Variants in DENND4B observed in about 807,000 individuals in gnomAD.
DENND4B encodes DENN domain-containing protein 4B.
DENND4B carries 67 observed loss-of-function variants against 161.0 expected under a neutral mutation model. That is an observed-to-expected ratio of 0.42 (90% CI 0.34 to 0.51). The LOEUF is 0.51. DENND4B is among the 20% of genes least tolerant of loss of function. The pLI is 0.08. For synonymous variants in DENND4B, 753 were observed against 813.8 expected, an observed-to-expected ratio of 0.93 and a Z score of 1.27; for missense variants, 1,481 against 1,968.0, an observed-to-expected ratio of 0.75 and a Z score of 4.68.
intron 24 of DENND4B, among the ~76,000 whole-genome samples, chr1:153,931,682 A>T (rs1678945424): frequency 6.7e-6 from 1 of 149,856 alleles, no homozygotes; most frequent in Admixed American, 6.7e-5. Flanking sequence ...TATTTTTAGT[A>T]ACACGGGGTT....
chr1:153,932,831 C>A lies in DENND4B; in HGVS notation c.3623+30G>T. On this transcript the variant is annotated intron_variant, in intron 22 of 27. Coordinates refer to ENST00000361217, the MANE Select transcript of DENND4B (RefSeq NM_014856.3). The surrounding 1 kb of genome is among the most constrained non-coding windows in gnomAD (Gnocchi z 5.8). ...TTTTGGACCTTCACCTCCCTATTCC[C>A]ACCCACAGCACTTGCCCTGCCTTGG... 1 of 1,613,562 alleles carries A rather than the reference C, an allele frequency of 6.2e-7. No individual in the cohort carries two copies.
Position 153,940,912 on chromosome 1 carries a change from G to A in DENND4B, c.1318C>T (p.Leu440Phe). ...PDLLTSVCEALVSMIFPLHWQ... is the reference protein window; with the variant it reads ...PDLLTSVCEAFVSMIFPLHWQ... ...GGCGGGGCGGCACTCACCGAGACGA[G>A]GGCCTCACAGACGCTGGTGAGCAGG... The change falls in exon 9 of 28, where the codon CTC (leucine) becomes TTC (phenylalanine). Residue 440 changes from leucine to phenylalanine, a missense_variant. Transcript: ENST00000361217. This position sits in a 1 kb window ranked among gnomAD's most constrained non-coding sequence, Gnocchi z 5.6. 3 of 1,573,474 alleles carry A rather than the reference G, an allele frequency of 1.9e-6. No individual in the cohort carries two copies. Among genetic ancestry groups the A allele is most frequent in the Non-Finnish European group, 2.6e-6 (3 of 1,163,602 alleles).
In DENND4B at chr1:153,940,718, A is replaced by C; in HGVS notation, c.1327-112T>G. The C allele has an allele frequency of 6.8e-7, 1 of 1,473,240 alleles. No individual in the cohort carries two copies. Among genetic ancestry groups the C allele is most frequent in the Non-Finnish European group, 9.2e-7 (1 of 1,091,580 alleles). The allele number at this position is 1,473,240 out of a possible 1,614,324, so 91.3% of individuals were successfully genotyped here. ...TTGGGGAGTTGGTGCCTGTTGAGAG[A>C]GGCTGTTGGAAGTAGGCTCTAGAGA... is the stretch of plus-strand genomic sequence containing the variant. On this transcript the variant is annotated intron_variant, in intron 9 of 27. Transcript: ENST00000361217. This position sits in a 1 kb window ranked among gnomAD's most constrained non-coding sequence, Gnocchi z 5.6.
intron 6 of DENND4B, 96 bp downstream of exon 6, chr1:153,941,773 C>CCGGGGGGGG: frequency 2.5e-5 from 35 of 1,426,268 alleles, no homozygotes; most frequent in Non-Finnish European, 3.2e-5. Flanking sequence ...ACCCTGTGCC[C>CCGGGGGGGG]AGCCCTCCCC....
Position 153,933,911 on chromosome 1 carries a change from C to T in DENND4B, c.2942-40G>A, listed in dbSNP as rs766418659. 6.3e-7 allele frequency: 1 copy of T among 1,589,216 alleles called. No homozygotes were observed. The highest frequency in any genetic ancestry group is 1.4e-5 in the African/African-American group (1 of 73,298). On this transcript the variant is annotated intron_variant, in intron 19 of 27. Transcript: ENST00000361217. The surrounding 1 kb of genome is among the most constrained non-coding windows in gnomAD (Gnocchi z 5.7). ...AGAATGAGGGAAGATGGACCCCAGC[C>T]TCTGCACCAACTTCCCCTTTCCTGA... is the stretch of plus-strand genomic sequence containing the variant.
At chr1:153,941,768 G>A in intron 6 of DENND4B, 101 bp downstream of exon 6, 1 of 1,473,242 alleles carries the variant, frequency 6.8e-7, no homozygotes, top group Non-Finnish European at 9.2e-7. Flanking sequence ...CCCTTACCCT[G>A]TGCCCAGCCC....
In DENND4B at chr1:153,930,311, G is replaced by A; in HGVS notation, c.4477C>T (p.Pro1493Ser). The stretch of plus-strand genomic sequence containing the variant: ...GCTTAAGGTCTCTAGCATTCTGGAG[G>A]TGCTCCAAAACATTTTCGGCAGTCA... ...AIDCRKCFGA[P>S]PEC Residue 1493 changes from proline (P) to serine (S), a missense_variant, in exon 28 of 28, where the codon CCT (proline) becomes TCT (serine). By Grantham distance (74) the Pro-to-Ser change is moderately conservative. This residue lies in a region of DENND4B where 336 missense variants were observed against 503.3 expected (regional missense o/e 0.67). Transcript: ENST00000361217. This position sits in a 1 kb window ranked among gnomAD's most constrained non-coding sequence, Gnocchi z 4.7. The A allele has an allele frequency of 6.2e-7, 1 of 1,613,820 alleles. No individual in the cohort carries two copies. The highest frequency in any genetic ancestry group is 8.5e-7 in the Non-Finnish European group (1 of 1,179,742).
chr1:153,930,925 C>A lies in DENND4B; in HGVS notation c.4114+22G>T. On this transcript the variant is annotated intron_variant, in intron 25 of 27. Transcript: ENST00000361217. This position sits in a 1 kb window ranked among gnomAD's most constrained non-coding sequence, Gnocchi z 4.7. ...TGGGTATGGGACCCACCCTCCCCAC[C>A]CAGGCCAAATACCAGACTCACTGTG... 1 of 1,602,692 alleles carries A rather than the reference C, an allele frequency of 6.2e-7. No homozygotes were observed. The highest frequency in any genetic ancestry group is 8.5e-7 in the Non-Finnish European group (1 of 1,175,096).
intron 17 of DENND4B, among the ~76,000 whole-genome samples, chr1:153,935,432 T>C (rs61219911): frequency 0.27 from 41,378 of 152,172 alleles, 6,153 homozygotes; most frequent in Admixed American, 0.38. Flanking sequence ...CTGCAACCTC[T>C]GCCTCCCGGG....
intron 6 of DENND4B, 113 bp from the exon 7 acceptor site, chr1:153,941,553 C>T (rs1404725382): frequency 2.3e-6 from 3 of 1,295,860 alleles, no homozygotes; most frequent in Non-Finnish European, 3.1e-6. Flanking sequence ...TCCTGAACCC[C>T]ACTTTGAGAC....
chr1:153,934,900 C>A lies in DENND4B; in HGVS notation c.2633G>T (p.Arg878Leu). The change falls in exon 18 of 28, where the codon CGG becomes CTG. Residue 878 changes from arginine (R) to leucine (L), a missense_variant. Physicochemically the swap from Arg to Leu is moderately radical, Grantham distance 102. Around this residue, in one of 3 missense-constraint regions of DENND4B, gnomAD observed 339 missense variants for 330.3 expected, o/e 1.03. Transcript: ENST00000361217. This position sits in a 1 kb window ranked among gnomAD's most constrained non-coding sequence, Gnocchi z 5.3. Reference sequence around the variant, plus strand: ...CTGAGCAGCCCCCAGGACAACATTCCGGAGCTTGGCCCAGCGCAGACGCCC... The same window carrying A: ...CTGAGCAGCCCCCAGGACAACATTCAGGAGCTTGGCCCAGCGCAGACGCCC... ...PGGRLRWAKL[R>L]NVVLGAAQFR... 6.2e-7 allele frequency: 1 copy of A among 1,613,612 alleles called. No homozygotes were observed. The highest frequency in any genetic ancestry group is 8.5e-7 in the Non-Finnish European group (1 of 1,179,896).
In DENND4B at chr1:153,932,168, G is replaced by A. The variant is rs1268095060; in HGVS notation, c.3996+36C>T. 1.5e-5 allele frequency: 23 copies of A among 1,565,178 alleles called. No individual in the cohort carries two copies. Among genetic ancestry groups the A allele is most frequent in the Non-Finnish European group, 1.8e-5 (21 of 1,142,140 alleles). On this transcript the variant is annotated intron_variant, in intron 24 of 27. Transcript: ENST00000361217. This position sits in a 1 kb window ranked among gnomAD's most constrained non-coding sequence, Gnocchi z 5.8. ...GACAAATGGCTGAGAGATGAGGGAG[G>A]CACTTAGGAAACAGGGGCCACATGG...
In DENND4B at chr1:153,930,680, G is replaced by A. The variant is rs1678858768; in HGVS notation, c.4280+12C>T. 6 of 1,613,134 alleles carry A rather than the reference G, an allele frequency of 3.7e-6. No homozygotes were observed. In the African/African-American group the frequency reaches 6.7e-5, roughly 18 times the overall value. The stretch of plus-strand genomic sequence containing the variant: ...GGACAGACCAGGGATCACCCAGATG[G>A]TAGCACCATACCTCTGCAGGTGCAG... On this transcript the variant is annotated intron_variant, in intron 26 of 27. Coordinates refer to ENST00000361217, the MANE Select transcript of DENND4B (RefSeq NM_014856.3). The surrounding 1 kb of genome is among the most constrained non-coding windows in gnomAD (Gnocchi z 4.7).
At chr1:153,945,701 A>C (rs1036965187) in intron 1 of DENND4B, among the ~76,000 whole-genome samples, 3 of 152,188 alleles carry the variant, frequency 2.0e-5, no homozygotes, top group African/African-American at 4.8e-5. Context: ...CCTGTCCCTC[A>C]TCCACTGAGG....
At chr1:153,938,578 TG>T (rs1204337202) in intron 13 of DENND4B, among the ~76,000 whole-genome samples, 1 of 151,514 alleles carries the variant, frequency 6.6e-6, no homozygotes, top group East Asian at 1.9e-4. Flanking sequence ...GGCGGGCGCC[TG>T]TAGTCTCAGC....
At position 153,936,669 on chromosome 1, in the gene DENND4B, C is replaced by T; in HGVS notation, c.2312G>A (p.Cys771Tyr). The T allele has an allele frequency of 6.2e-7, 1 of 1,613,344 alleles. No individual in the cohort carries two copies. Among genetic ancestry groups the T allele is most frequent in the Non-Finnish European group, 8.5e-7 (1 of 1,179,592 alleles). ...CAGACACAGGAACCACAGCCCATAGCAGTGCCCCAGCAGGCACCGGGCCCA... is the reference window on the plus strand; with the variant it reads ...CAGACACAGGAACCACAGCCCATAGTAGTGCCCCAGCAGGCACCGGGCCCA... ...ELWARCLLGH[C>Y]YGLWFLCLPA... The change falls in exon 16 of 28, where the codon TGC becomes TAC. Residue 771 changes from cysteine to tyrosine, a missense_variant. Around this residue, in one of 3 missense-constraint regions of DENND4B, gnomAD observed 806 missense variants for 1,134.4 expected, o/e 0.71. Coordinates refer to ENST00000361217, the MANE Select transcript of DENND4B (RefSeq NM_014856.3). This position sits in a 1 kb window ranked among gnomAD's most constrained non-coding sequence, Gnocchi z 4.1.
intron 1 of DENND4B, among the ~76,000 whole-genome samples, chr1:153,945,589 C>T (rs1233640727): frequency 6.6e-6 from 1 of 152,102 alleles, no homozygotes; most frequent in Non-Finnish European, 1.5e-5. Flanking sequence ...CACACACACG[C>T]ACACACGTAC....
Position 153,943,077 on chromosome 1 carries a change from G to A in DENND4B, c.371C>T (p.Thr124Met), listed in dbSNP as rs200665404. ...RPKPGFQVLD[T>M]TPYSHSANLA... is the part of the protein sequence containing the mutation. ...GTTTGCTGAGTGGCTGTAGGGTGTC[G>A]TGTCAAGCACTTGGAAGCCAGGCTT... The change falls in exon 3 of 28, where the codon ACG becomes ATG. Residue 124 changes from threonine to methionine, a missense_variant. This residue lies in a region of DENND4B where 806 missense variants were observed against 1,134.4 expected (regional missense o/e 0.71). Coordinates refer to ENST00000361217, the MANE Select transcript of DENND4B (RefSeq NM_014856.3). The A allele has an allele frequency of 2.1e-5, 34 of 1,613,866 alleles. No individual in the cohort carries two copies. The highest frequency in any genetic ancestry group is 2.8e-5 in the Non-Finnish European group (33 of 1,179,878).
At position 153,941,294 on chromosome 1, in the gene DENND4B, A is replaced by G. The variant is rs2252508; in HGVS notation, c.1123-5T>C. 0.53 allele frequency: 847,127 copies of G among 1,613,414 alleles called. 231,295 individuals carry two copies. The highest frequency in any genetic ancestry group is 0.95 in the East Asian group (42,410 of 44,860). ...CAAGTTGTCATAGGGAGACATCTGG[A>G]AGGGAAGAAGAGCCACGGCTCAGGG... On this transcript the variant is annotated splice_polypyrimidine_tract_variant and splice_region_variant and intron_variant, in intron 7 of 27. Coordinates refer to ENST00000361217, the MANE Select transcript of DENND4B (RefSeq NM_014856.3).
Sources: allele counts gnomAD v4.1 joint callset (sites outside exome capture counted in the v4.1 genomes callset), GRCh38; gene constraint gnomAD v4.1.1; regional missense constraint gnomAD v4.1.1; non-coding constraint Gnocchi (gnomAD v3.1); transcripts MANE v1.5; gene names NCBI Gene and HGNC (gene_info 2026-07-23, HGNC 2026-07-21).